The following FOXP1 variants were observed in gnomAD, a reference collection of about 807,000 sequenced individuals.
FOXP1 encodes the protein forkhead box P1.
Under a neutral mutation model 98.2 loss-of-function variants are expected in FOXP1, and 15 were observed. The observed-to-expected ratio is 0.15, with a 90% CI of 0.10 to 0.24. The LOEUF (loss-of-function observed/expected upper bound fraction) is 0.24. Ranked by LOEUF, FOXP1 falls within the 10% of genes least tolerant of loss-of-function variation. FOXP1 has a pLI of 1.00. For missense variants in FOXP1, 633 were observed against 848.5 expected (o/e 0.75, Z 3.15); for synonymous variants, 371 against 314.5 (o/e 1.18, Z -1.90).
intron 2 of FOXP1, among the ~76,000 whole-genome samples, chr3:71,540,110 G>A (rs1474845784): frequency 6.6e-6 from 1 of 152,220 alleles, no homozygotes; most frequent in Non-Finnish European, 1.5e-5. Flanking sequence ...GGTGTGCATT[G>A]AAGATATTAC....
chr3:71,451,407 G>A (rs575505082), intron 3 of FOXP1, among the ~76,000 whole-genome samples: 5 of 152,298 alleles, frequency 3.3e-5, no homozygotes, highest in South Asian at 4.1e-4. Flanking sequence ...ACATAAAAGC[G>A]AAGATAAACC....
At chr3:71,082,150 A>C (rs1189991614) in intron 7 of FOXP1, among the ~76,000 whole-genome samples, 1 of 152,080 alleles carries the variant, frequency 6.6e-6, no homozygotes, top group African/African-American at 2.4e-5. Flanking sequence ...GTGGTGGCGC[A>C]CGCCTGTAAT....
At chr3:71,061,276 T>C (rs1025288108) in intron 7 of FOXP1, among the ~76,000 whole-genome samples, 1 of 152,122 alleles carries the variant, frequency 6.6e-6, no homozygotes, top group Non-Finnish European at 1.5e-5. Flanking sequence ...TCCCCAAATC[T>C]AGCCATACAG....
intron 5 of FOXP1, among the ~76,000 whole-genome samples, chr3:71,213,117 T>G (rs1384374832): frequency 6.6e-6 from 1 of 152,018 alleles, no homozygotes; most frequent in Admixed American, 6.6e-5. Flanking sequence ...AAAATAACAC[T>G]CCCAAACAAA....
At position 71,556,334 on chromosome 3, in the gene FOXP1, T is replaced by A. The variant is rs543280230; in HGVS notation, c.-298+25215A>T. Among the ~76,000 whole-genome samples the A allele has an allele frequency of 3.9e-5, 6 of 152,144 alleles. 1 individual carries two copies. Among genetic ancestry groups the A allele is most frequent in the African/African-American group, 1.4e-4 (6 of 41,496 alleles). ...AGCTCACGCCTGTAATCCCAGCACTTTGGGAGGCCGACGTGAGCAGATCAC... is the reference window on the plus strand; with the variant it reads ...AGCTCACGCCTGTAATCCCAGCACTATGGGAGGCCGACGTGAGCAGATCAC... On this transcript the variant is annotated intron_variant, in intron 2 of 20. Coordinates refer to ENST00000649528, the MANE Select transcript of FOXP1 (RefSeq NM_001349338.3).
At chr3:71,343,981 T>C (rs1203393296) in intron 4 of FOXP1, among the ~76,000 whole-genome samples, 2 of 152,182 alleles carry the variant, frequency 1.3e-5, no homozygotes, top group Non-Finnish European at 2.9e-5. Flanking sequence ...TCTGTTTGGA[T>C]ATATTTTTTT....
Position 71,581,614 on chromosome 3 carries a change from C to T in FOXP1, c.-363G>A. 1.0e-6 allele frequency: 1 copy of T among 985,776 alleles called. No homozygotes were observed. Among genetic ancestry groups the T allele is most frequent in the Non-Finnish European group, 1.2e-6 (1 of 830,070 alleles). 61.1% of individuals were successfully genotyped at this position (985,776 alleles called of 1,614,324 possible). The stretch of plus-strand genomic sequence containing the variant: ...CCCGCGGAGGAGGCGCCGGCAGCAC[C>T]ATGGTCCCCGGCGCCGCTGCCGCTG... On this transcript the variant is annotated 5_prime_UTR_variant, in exon 2 of 21. An upstream start codon of the reference 5' UTR is lost. Transcript: ENST00000649528.
At chr3:71,337,864 G>A (rs2076781005) in intron 4 of FOXP1, among the ~76,000 whole-genome samples, 1 of 152,156 alleles carries the variant, frequency 6.6e-6, no homozygotes, top group African/African-American at 2.4e-5. Flanking sequence ...ATGGCAGAGT[G>A]GAGCAGCAGC....
chr3:71,106,297 TA>T (rs548672656), intron 7 of FOXP1, among the ~76,000 whole-genome samples: 36 of 152,266 alleles, frequency 2.4e-4, no homozygotes, highest in Non-Finnish European at 4.8e-4. Context: ...TAGATACATT[TA>T]AACTAGTGAT....
intron 4 of FOXP1, among the ~76,000 whole-genome samples, chr3:71,327,954 C>T (rs2076017953): frequency 6.6e-6 from 1 of 152,164 alleles, no homozygotes; most frequent in Non-Finnish European, 1.5e-5. Context: ...CCCCCAACCT[C>T]TCTACACATG....
intron 7 of FOXP1, among the ~76,000 whole-genome samples, chr3:71,092,692 C>T (rs190851463): frequency 2.0e-5 from 3 of 151,998 alleles, no homozygotes; most frequent in African/African-American, 7.2e-5. Context: ...TGAGGGAGGG[C>T]GTTTGGCTTA....
intron 13 of FOXP1, among the ~76,000 whole-genome samples, chr3:70,992,681 A>G (rs556608069): frequency 1.2e-4 from 18 of 152,276 alleles, no homozygotes; most frequent in African/African-American, 4.3e-4. Context: ...CGTTCCTTAC[A>G]TGTTATTATT....
intron 6 of FOXP1, among the ~76,000 whole-genome samples, chr3:71,125,309 C>T (rs984608550): frequency 6.6e-6 from 1 of 152,160 alleles, no homozygotes; most frequent in Non-Finnish European, 1.5e-5. Flanking sequence ...AGAATCCCTT[C>T]ACTGTATTCA....
intron 5 of FOXP1, among the ~76,000 whole-genome samples, chr3:71,262,394 C>T (rs1337254008): frequency 6.6e-6 from 1 of 150,968 alleles, no homozygotes; most frequent in Admixed American, 6.6e-5. Context: ...AAAGCTAGGA[C>T]CTCTTTGGGG....
chr3:71,306,631 CAAAAAAAAAAAAA>C (rs66479255), intron 4 of FOXP1, among the ~76,000 whole-genome samples: 1 of 42,852 alleles, frequency 2.3e-5, no homozygotes, highest in Non-Finnish European at 4.2e-5. Context: ...GAGAATAAGC[CAAAAAAAAAAAAA>C]AAAAAAAAAA....
chr3:71,203,193 C>T (rs947382955), intron 5 of FOXP1, among the ~76,000 whole-genome samples: 6 of 152,288 alleles, frequency 3.9e-5, no homozygotes, highest in African/African-American at 1.4e-4. Context: ...GTTTAAATCA[C>T]GTGATCCATT....
At chr3:71,117,484 T>C (rs942411966) in intron 6 of FOXP1, among the ~76,000 whole-genome samples, 11 of 152,150 alleles carry the variant, frequency 7.2e-5, no homozygotes, top group South Asian at 2.1e-4. Context: ...TTAGGATACA[T>C]TGTTTGAAGA....
chr3:71,291,902 T>G (rs2072789339), intron 5 of FOXP1, among the ~76,000 whole-genome samples: 1 of 151,952 alleles, frequency 6.6e-6, no homozygotes, highest in Admixed American at 6.6e-5. Flanking sequence ...AGATGGGGTT[T>G]CACCATGTTG....
At chr3:71,396,953 T>TATATACATATACAC (rs2081442800) in intron 3 of FOXP1, among the ~76,000 whole-genome samples, 1 of 53,042 alleles carries the variant, frequency 1.9e-5, no homozygotes, top group Non-Finnish European at 4.4e-5. Flanking sequence ...TATATGTGTA[T>TATATACATATACAC]ATATATATAT....
Sources: gnomAD v4.1 joint callset for allele counts (sites outside exome capture counted in the v4.1 genomes callset) on GRCh38, gnomAD v4.1.1 for gene constraint, MANE v1.5 for transcripts, NCBI Gene and HGNC (gene_info 2026-07-23, HGNC 2026-07-21) for gene names.